ELL2: variants seen among roughly 807,000 people sequenced by gnomAD.
The protein encoded by ELL2 is RNA polymerase II elongation factor ELL2.
Under a neutral mutation model 72.8 loss-of-function variants are expected in ELL2, and 21 were observed. The ratio of observed to expected loss-of-function variants is 0.29; its 90% CI spans 0.20 to 0.42. ELL2 has a LOEUF of 0.42. ELL2 is among the 10% of genes least tolerant of loss of function. The pLI, the probability that ELL2 is intolerant of heterozygous loss-of-function variation, is 1.00. For missense variants in ELL2, 568 were observed against 772.8 expected (o/e 0.73, Z 3.14); for synonymous variants, 266 against 283.2 (o/e 0.94, Z 0.61).
chr5:95,938,220 C>A (rs1299952031), intron 2 of ELL2, among the ~76,000 whole-genome samples: 1 of 152,078 alleles, frequency 6.6e-6, no homozygotes, highest in African/African-American at 2.4e-5. Flanking sequence ...AGTATTCAAG[C>A]CTTTAAAGTT....
chr5:95,947,873 T>C (rs1751224584), intron 1 of ELL2, among the ~76,000 whole-genome samples: 1 of 119,562 alleles, frequency 8.4e-6, no homozygotes, highest in Admixed American at 7.8e-5. Flanking sequence ...CTGAAAAAAA[T>C]AGTTTTTTTT....
At chr5:95,923,359 A>C (rs1178926685) in intron 2 of ELL2, among the ~76,000 whole-genome samples, 2 of 152,182 alleles carry the variant, frequency 1.3e-5, no homozygotes, top group African/African-American at 4.8e-5. Flanking sequence ...GCTAAAGATC[A>C]GTAACAAACC....
At chr5:95,945,227 G>A (rs764197409) in intron 1 of ELL2, among the ~76,000 whole-genome samples, 5 of 152,018 alleles carry the variant, frequency 3.3e-5, no homozygotes, top group African/African-American at 4.8e-5. Flanking sequence ...CAACCAAACC[G>A]TCACCTCTTT....
At chr5:95,904,785 A>G (rs919529727) in intron 5 of ELL2, among the ~76,000 whole-genome samples, 1 of 150,344 alleles carries the variant, frequency 6.7e-6, no homozygotes, top group Non-Finnish European at 1.5e-5. Context: ...AAGTCATTTT[A>G]TTTTTTTTTG....
chr5:95,945,040 G>T (rs1398598837), intron 1 of ELL2, among the ~76,000 whole-genome samples: 2 of 152,112 alleles, frequency 1.3e-5, no homozygotes, highest in African/African-American at 4.8e-5. Flanking sequence ...TCATCCTGGA[G>T]GCTCACTGAA....
At chr5:95,961,300 C>T (rs1384742605) in intron 1 of ELL2, among the ~76,000 whole-genome samples, 1 of 152,004 alleles carries the variant, frequency 6.6e-6, no homozygotes, top group Non-Finnish European at 1.5e-5. Flanking sequence ...CGGGGGCCGT[C>T]GGAAAGTCCC....
chr5:95,908,935 G>T (rs1749478717), intron 4 of ELL2, among the ~76,000 whole-genome samples: 1 of 152,096 alleles, frequency 6.6e-6, no homozygotes. Flanking sequence ...CACACACTAG[G>T]ACTGGTCATT....
chr5:95,891,511 T>C (rs1309634339), intron 9 of ELL2, among the ~76,000 whole-genome samples: 1 of 152,208 alleles, frequency 6.6e-6, no homozygotes. Flanking sequence ...ATGGTGGCAA[T>C]GGAACTAAAA....
chr5:95,898,550 C>T lies in ELL2; in HGVS notation c.1215G>A (p.Arg405=), dbSNP rs777749619. Residue 405 remains arginine (R), a synonymous_variant, in exon 8 of 12, where the codon CGG becomes CGA. Coordinates refer to ENST00000237853, the MANE Select transcript of ELL2 (RefSeq NM_012081.6). The stretch of plus-strand genomic sequence containing the variant: ...TGTCAACAGGTAGGTCTTGAGTCCC[C>T]CGGCCTTCTGGAGTGCTAGGGGAGT... ...NSNSPSTPEG[R]GTQDLPVDSF... 26 of 1,613,902 alleles carry T rather than the reference C, an allele frequency of 1.6e-5. No homozygotes were observed. Among genetic ancestry groups the T allele is most frequent in the South Asian group, 2.2e-5 (2 of 91,074 alleles).
At chr5:95,939,091 C>T (rs6881355) in intron 2 of ELL2, among the ~76,000 whole-genome samples, 48,980 of 152,048 alleles carry the variant, frequency 0.32, 9,226 homozygotes, top group African/African-American at 0.53. Flanking sequence ...TGCACATGCA[C>T]ACACACAGTT....
chr5:95,949,599 A>C (rs1751298412), intron 1 of ELL2, among the ~76,000 whole-genome samples: 1 of 152,104 alleles, frequency 6.6e-6, no homozygotes, highest in South Asian at 2.1e-4. Flanking sequence ...ACTTAATTCA[A>C]GAATTCTTAA....
In ELL2 at chr5:95,913,689, G is replaced by A. The variant is rs763438801; in HGVS notation, c.481+82C>T. 1,046 of 1,355,014 alleles carry A rather than the reference G, an allele frequency of 7.7e-4. 2 individuals are homozygous for A. Among genetic ancestry groups the A allele is most frequent in the Non-Finnish European group, 9.3e-4 (955 of 1,031,480 alleles). The allele number at this position is 1,355,014 out of a possible 1,614,324, so 83.9% of individuals were successfully genotyped here. A position where few individuals can be genotyped will look rare whatever the true frequency, so the allele number is the denominator to read the frequency against. ...AAACTAGTTTCTGTGTTTTCATTAA[G>A]TTAATATTACTGGTATTTACCTATG... is the stretch of plus-strand genomic sequence containing the variant. On this transcript the variant is annotated intron_variant, in intron 4 of 11. Transcript: ENST00000237853.
intron 1 of ELL2, among the ~76,000 whole-genome samples, chr5:95,943,383 G>A (rs554668680): frequency 6.6e-6 from 1 of 152,170 alleles, no homozygotes; most frequent in East Asian, 1.9e-4. Flanking sequence ...TGCCTTGGAT[G>A]AACCATATCA....
chr5:95,950,919 T>C (rs770903365), intron 1 of ELL2, among the ~76,000 whole-genome samples: 3,298 of 97,682 alleles, frequency 0.034, 200 homozygotes, highest in African/African-American at 0.087. Context: ...TATATATATA[T>C]ATATATATAT....
rs1201193788 is a variant in ELL2 at position 95,913,774 on chromosome 5, C to T, written c.478G>A (p.Val160Ile). ...GAAGAAAGATATCTATACAAACCTA[C>T]ATATGGTCCACCGGGTTTGATAACT... ...TKVIKPGGPY[V>I]GKRVQIRKAP... The change falls in exon 4 of 12, where the codon GTA (valine) becomes ATA (isoleucine). Residue 160 changes from valine (V) to isoleucine (I), a missense_variant. Transcript: ENST00000237853. 1.2e-6 allele frequency: 2 copies of T among 1,606,158 alleles called. No individual in the cohort carries two copies. The highest frequency in any genetic ancestry group is 1.7e-6 in the Non-Finnish European group (2 of 1,176,806).
At chr5:95,910,213 T>C (rs953280018) in intron 4 of ELL2, among the ~76,000 whole-genome samples, 4 of 151,954 alleles carry the variant, frequency 2.6e-5, no homozygotes, top group African/African-American at 9.7e-5. Context: ...GATTTGTCTG[T>C]CATCAAAAAT....
intron 5 of ELL2, among the ~76,000 whole-genome samples, chr5:95,902,281 T>A (rs1238789720): frequency 1.3e-5 from 2 of 152,186 alleles, no homozygotes; most frequent in Non-Finnish European, 2.9e-5. Context: ...ATCTGCCAGT[T>A]CTCCTGAAGA....
At position 95,961,778 on chromosome 5, in the gene ELL2, G is replaced by A; in HGVS notation, c.-57C>T. The A allele has an allele frequency of 6.6e-7, 1 of 1,507,804 alleles. No individual in the cohort carries two copies. Among genetic ancestry groups the A allele is most frequent in the Non-Finnish European group, 8.8e-7 (1 of 1,131,670 alleles). 93.4% of individuals were successfully genotyped at this position (1,507,804 alleles called of 1,614,324 possible). On this transcript the variant is annotated 5_prime_UTR_variant, in exon 1 of 12. Coordinates refer to ENST00000237853, the MANE Select transcript of ELL2 (RefSeq NM_012081.6). ...CGCTCCGGCTCTAGCCTCCACTGCG[G>A]CCGCGGCTGCTTGGGCTTCTGCAGC...
rs1748953090 is a variant in ELL2 at position 95,898,272 on chromosome 5, T to C, written c.1493A>G (p.Lys498Arg). 6 of 1,608,342 alleles carry C rather than the reference T, an allele frequency of 3.7e-6. No individual in the cohort carries two copies. Among genetic ancestry groups the C allele is most frequent in the Non-Finnish European group, 5.1e-6 (6 of 1,178,578 alleles). ...EDLKREEEIA[K>R]LNNSSPNSSG... ...GGAATTTGGACTGGAGTTATTTAGCTTGGCAATTTCCTCTTCTCTCTTAAG... is the reference window on the plus strand; with the variant it reads ...GGAATTTGGACTGGAGTTATTTAGCCTGGCAATTTCCTCTTCTCTCTTAAG... The change falls in exon 8 of 12, where the codon AAG becomes AGG. Residue 498 changes from lysine (K) to arginine (R), a missense_variant. Lys to Arg is a conservative substitution (Grantham distance 26). Around this residue, in one of 2 missense-constraint regions of ELL2, gnomAD observed 511 missense variants for 728.4 expected, o/e 0.70. Transcript: ENST00000237853.
Sources: gnomAD v4.1 joint callset for allele counts (sites outside exome capture counted in the v4.1 genomes callset) on GRCh38, gnomAD v4.1.1 for gene constraint, gnomAD v4.1.1 regional missense constraint, MANE v1.5 for transcripts, NCBI Gene and HGNC (gene_info 2026-07-23, HGNC 2026-07-21) for gene names.